The following PCDHA13 variants were observed in gnomAD, a reference collection of about 807,000 sequenced individuals.
PCDHA13 encodes protocadherin alpha-13.
A neutral mutation model predicts 64.8 loss-of-function variants in PCDHA13; 54 were observed. The observed-to-expected ratio is 0.83, with a 90% CI of 0.67 to 1.04. PCDHA13 has a LOEUF of 1.04. Among genes scored for constraint, PCDHA13 ranks in the 50% least tolerant of loss-of-function variants. PCDHA13 has a pLI of 0.00. For missense variants in PCDHA13, 1,248 were observed against 1,254.3 expected (o/e 0.99, Z 0.08); for synonymous variants, 587 against 564.4 (o/e 1.04, Z -0.57).
intron 1 of PCDHA13, among the ~76,000 whole-genome samples, chr5:140,939,170 A>G (rs1554212590): frequency 2.0e-5 from 3 of 152,136 alleles, no homozygotes; most frequent in Admixed American, 1.3e-4. Context: ...GTGTCTGGTA[A>G]TGGCCCACTC....
chr5:140,993,819 G>A (rs2097583362), intron 3 of PCDHA13, among the ~76,000 whole-genome samples: 1 of 152,142 alleles, frequency 6.6e-6, no homozygotes, highest in Non-Finnish European at 1.5e-5. Context: ...AGGAGCAATA[G>A]GCTATACCAT....
intron 3 of PCDHA13, among the ~76,000 whole-genome samples, chr5:140,994,615 G>C (rs2097641272): frequency 6.6e-6 from 1 of 152,078 alleles, no homozygotes; most frequent in Admixed American, 6.6e-5. Context: ...TGAGGCACGA[G>C]AGTCACTTGA....
At chr5:140,964,866 C>A (rs2095858965) in intron 1 of PCDHA13, among the ~76,000 whole-genome samples, 1 of 152,132 alleles carries the variant, frequency 6.6e-6, no homozygotes, top group Non-Finnish European at 1.5e-5. Flanking sequence ...ACAAAGAGGA[C>A]AAATAAGAAG....
At chr5:140,907,100 C>T (rs1447787481) in intron 1 of PCDHA13, among the ~76,000 whole-genome samples, 2 of 152,098 alleles carry the variant, frequency 1.3e-5, no homozygotes, top group African/African-American at 4.8e-5. Flanking sequence ...GTGCCACTTC[C>T]ACTTCCACCC....
intron 1 of PCDHA13, chr5:140,969,021 C>T (rs2096289420): frequency 8.1e-6 from 13 of 1,614,146 alleles, no homozygotes; most frequent in Non-Finnish European, 1.1e-5. Context: ...AGGGAAAGGT[C>T]CCCTGCAGAA....
At chr5:140,945,630 A>C (rs1445072054) in intron 1 of PCDHA13, among the ~76,000 whole-genome samples, 1 of 152,166 alleles carries the variant, frequency 6.6e-6, no homozygotes, top group African/African-American at 2.4e-5. Context: ...CTGGCATAAA[A>C]GACATGTAGA....
At chr5:141,009,482 C>T in intron 3 of PCDHA13, 145 bp from the exon 4 acceptor site, 1 of 1,446,086 alleles carries the variant, frequency 6.9e-7, no homozygotes, top group Non-Finnish European at 9.1e-7. Flanking sequence ...TAAACACTTG[C>T]CTTGCCCTCA....
chr5:140,989,609 T>C (rs782186182), intron 3 of PCDHA13, among the ~76,000 whole-genome samples: 4 of 152,178 alleles, frequency 2.6e-5, no homozygotes, highest in Non-Finnish European at 5.9e-5. Flanking sequence ...AAACTAAAAA[T>C]GAAAGTCTGT....
At chr5:140,892,624 A>C (rs1041078923) in intron 1 of PCDHA13, among the ~76,000 whole-genome samples, 28 of 152,166 alleles carry the variant, frequency 1.8e-4, no homozygotes, top group Non-Finnish European at 3.2e-4. Flanking sequence ...CAGTTGGTAC[A>C]TAATAATTGT....
chr5:140,886,498 C>T (rs1415505049), intron 1 of PCDHA13, among the ~76,000 whole-genome samples: 1 of 151,920 alleles, frequency 6.6e-6, no homozygotes, highest in African/African-American at 2.4e-5. Context: ...ATATCTTTTT[C>T]CTTTTATGGA....
chr5:140,902,750 A>C (rs1367370245), intron 1 of PCDHA13, among the ~76,000 whole-genome samples: 1 of 151,888 alleles, frequency 6.6e-6, no homozygotes. Flanking sequence ...AATCCATTAT[A>C]TCATTCTTAT....
At chr5:141,003,609 G>A (rs2098131688) in intron 3 of PCDHA13, among the ~76,000 whole-genome samples, 1 of 151,970 alleles carries the variant, frequency 6.6e-6, no homozygotes, top group Non-Finnish European at 1.5e-5. Context: ...CACCATTCCC[G>A]GCCCCAGAGG....
intron 1 of PCDHA13, among the ~76,000 whole-genome samples, chr5:140,888,064 G>A (rs1353857736): frequency 6.6e-6 from 1 of 151,950 alleles, no homozygotes; most frequent in Non-Finnish European, 1.5e-5. Context: ...TAACTTTCTT[G>A]TCTGCTAATT....
chr5:141,011,104 C>G lies in PCDHA13; in HGVS notation c.*1167C>G, dbSNP rs1396728499. The G allele has an allele frequency of 6.5e-6, 1 of 153,844 alleles. No homozygotes were observed. Among genetic ancestry groups the G allele is most frequent in the Non-Finnish European group, 1.5e-5 (1 of 68,020 alleles). The allele number at this position is 153,844 out of a possible 1,614,324, so 9.5% of individuals were successfully genotyped here. A position where few individuals can be genotyped will look rare whatever the true frequency, so the allele number is the denominator to read the frequency against. On this transcript the variant is annotated 3_prime_UTR_variant, in exon 4 of 4. Transcript: ENST00000289272. ...GATCTCTCTTTCTCTCTCTCTCTCT[C>G]TTTTCTAAGAAACAATTATGTGCAC... is the stretch of plus-strand genomic sequence containing the variant.
In PCDHA13 at chr5:140,884,159, A is replaced by T; in HGVS notation, c.1891A>T (p.Ile631Phe). ...PFRVGLYTGE[I>F]STTRPLDEVD... Reference sequence around the variant, plus strand: ...CCGCGTGGGGCTGTACACTGGCGAGATCAGCACGACGCGCCCTCTGGACGA... The same window carrying T: ...CCGCGTGGGGCTGTACACTGGCGAGTTCAGCACGACGCGCCCTCTGGACGA... The change falls in exon 1 of 4, where the codon ATC becomes TTC. Residue 631 changes from isoleucine to phenylalanine, a missense_variant. Physicochemically the swap from Ile to Phe is conservative, Grantham distance 21. Coordinates refer to ENST00000289272, the MANE Select transcript of PCDHA13 (RefSeq NM_018904.3). The T allele has an allele frequency of 1.9e-6, 3 of 1,613,418 alleles. No individual in the cohort carries two copies. Among genetic ancestry groups the T allele is most frequent in the Non-Finnish European group, 2.5e-6 (3 of 1,179,746 alleles).
At chr5:140,919,175 T>C (rs1282672890) in intron 1 of PCDHA13, among the ~76,000 whole-genome samples, 1 of 152,248 alleles carries the variant, frequency 6.6e-6, no homozygotes, top group Non-Finnish European at 1.5e-5. Context: ...AGTTGCTATA[T>C]CTTCCTGATT....
At chr5:140,942,996 C>T (rs1294135098) in intron 1 of PCDHA13, among the ~76,000 whole-genome samples, 1 of 151,798 alleles carries the variant, frequency 6.6e-6, no homozygotes, top group South Asian at 2.1e-4. Context: ...GTGGCTCATG[C>T]CTGTAATCCC....
chr5:140,901,642 C>T lies in PCDHA13; in HGVS notation c.2394+16980C>T, dbSNP rs369623028. Among the ~76,000 whole-genome samples, 37 of 152,054 alleles carry T rather than the reference C, an allele frequency of 2.4e-4. No individual in the cohort carries two copies. In the East Asian group the frequency reaches 3.3e-3, roughly 13 times the overall value. On this transcript the variant is annotated intron_variant, in intron 1 of 3. Transcript: ENST00000289272. ...TTGAAGTCAGGTAATGTGATTCTTC[C>T]GGTTTTGTTCTTTTTGCTCAAGATA...
At chr5:140,898,233 C>T (rs2066607638) in intron 1 of PCDHA13, among the ~76,000 whole-genome samples, 1 of 152,126 alleles carries the variant, frequency 6.6e-6, no homozygotes, top group African/African-American at 2.4e-5. Flanking sequence ...GTTGCCATTG[C>T]TTTTGGTGTT....
Sources: gnomAD v4.1 joint callset for allele counts (sites outside exome capture counted in the v4.1 genomes callset) on GRCh38, gnomAD v4.1.1 for gene constraint, MANE v1.5 for transcripts, NCBI Gene and HGNC (gene_info 2026-07-23, HGNC 2026-07-21) for gene names.